The following TBC1D32 variants were observed in gnomAD, a reference collection of about 807,000 sequenced individuals.
TBC1D32 encodes the protein protein broad-minded.
A neutral mutation model predicts 170.3 loss-of-function variants in TBC1D32; 151 were observed. The ratio of observed to expected loss-of-function variants is 0.89; its 90% CI spans 0.78 to 1.01. TBC1D32 has a LOEUF of 1.01. Ranked by LOEUF, TBC1D32 falls within the 50% of genes least tolerant of loss-of-function variation. TBC1D32 has a pLI of 0.00. For synonymous variants in TBC1D32, 498 were observed against 488.0 expected, an observed-to-expected ratio of 1.02 and a Z score of -0.27; for missense variants, 1,464 against 1,457.1, an observed-to-expected ratio of 1.00 and a Z score of -0.08.
chr6:121,149,527 T>A (rs1415193017), intron 24 of TBC1D32, among the ~76,000 whole-genome samples: 1 of 152,206 alleles, frequency 6.6e-6, no homozygotes, highest in Non-Finnish European at 1.5e-5. Flanking sequence ...CTTTCCCCAT[T>A]TCTTGTTTTT....
chr6:121,333,439 A>G (rs1811455325), intron 1 of TBC1D32, among the ~76,000 whole-genome samples: 1 of 152,140 alleles, frequency 6.6e-6, no homozygotes, highest in Non-Finnish European at 1.5e-5. Flanking sequence ...TATATTTCTG[A>G]CATGTATCAC....
At chr6:121,088,064 C>T (rs980435624) in intron 31 of TBC1D32, among the ~76,000 whole-genome samples, 1 of 151,786 alleles carries the variant, frequency 6.6e-6, no homozygotes, top group African/African-American at 2.4e-5. Context: ...GATCCTCCCA[C>T]CTCAGCCTCC....
At chr6:121,233,783 C>T (rs910627542) in intron 20 of TBC1D32, among the ~76,000 whole-genome samples, 1 of 151,852 alleles carries the variant, frequency 6.6e-6, no homozygotes, top group African/African-American at 2.4e-5. Flanking sequence ...GTTTTTTTGT[C>T]ATTGTGTTTT....
intron 22 of TBC1D32, among the ~76,000 whole-genome samples, chr6:121,199,704 T>C (rs1791292807): frequency 6.6e-6 from 1 of 151,342 alleles, no homozygotes; most frequent in South Asian, 2.1e-4. Context: ...TGTTATATTC[T>C]AATTTCTGAT....
intron 24 of TBC1D32, among the ~76,000 whole-genome samples, chr6:121,137,745 T>C (rs1217798160): frequency 6.6e-6 from 1 of 151,844 alleles, no homozygotes; most frequent in Admixed American, 6.6e-5. Context: ...AGAGAGACTA[T>C]ACAGAAAGAA....
intron 17 of TBC1D32, among the ~76,000 whole-genome samples, chr6:121,252,048 A>G (rs561615399): frequency 5.9e-5 from 9 of 152,258 alleles, no homozygotes; most frequent in Non-Finnish European, 1.0e-4. Context: ...AGTTAGAATG[A>G]CAATCATTAA....
chr6:121,328,597 G>A (rs1563431467), intron 1 of TBC1D32, among the ~76,000 whole-genome samples: 1 of 151,868 alleles, frequency 6.6e-6, no homozygotes, highest in Non-Finnish European at 1.5e-5. Flanking sequence ...AGTTTTTTAA[G>A]ATATAGTCTG....
chr6:121,123,050 A>G (rs1253557389), intron 26 of TBC1D32, among the ~76,000 whole-genome samples: 4 of 152,104 alleles, frequency 2.6e-5, no homozygotes, highest in African/African-American at 9.6e-5. Flanking sequence ...CCTTTGAAAA[A>G]GAACCAGACT....
At chr6:121,132,990 T>C (rs1781606855) in intron 24 of TBC1D32, among the ~76,000 whole-genome samples, 1 of 151,980 alleles carries the variant, frequency 6.6e-6, no homozygotes, top group South Asian at 2.1e-4. Flanking sequence ...GCCAGATTAA[T>C]TCATACCTTT....
At chr6:121,198,306 T>C (rs1288742423) in intron 22 of TBC1D32, among the ~76,000 whole-genome samples, 3 of 146,244 alleles carry the variant, frequency 2.1e-5, no homozygotes, top group African/African-American at 7.7e-5. Context: ...ATATGTATCC[T>C]ATAAGTTTGG....
chr6:121,106,079 C>T lies in TBC1D32; in HGVS notation c.3409G>A (p.Ala1137Thr), dbSNP rs765542061. 2.5e-6 allele frequency: 4 copies of T among 1,608,724 alleles called. No homozygotes were observed. The highest frequency in any genetic ancestry group is 4.5e-5 in the East Asian group (2 of 44,828). The change falls in exon 30 of 32, where the codon GCT becomes ACT. Residue 1137 changes from alanine (A) to threonine (T), a missense_variant. Around this residue, in one of 3 missense-constraint regions of TBC1D32, gnomAD observed 1,363 missense variants for 1,338.1 expected, o/e 1.02. Coordinates refer to ENST00000398212, the MANE Select transcript of TBC1D32 (RefSeq NM_152730.6). ...GCTGAAAACACAAGAGGCAACTCAG[C>T]CTTCAGTAGCATTTCAATATAATGG... ...STHYIEMLLK[A>T]ELPLVFSAFH...
intron 30 of TBC1D32, among the ~76,000 whole-genome samples, chr6:121,099,385 T>C (rs1322244810): frequency 6.6e-6 from 1 of 151,974 alleles, no homozygotes; most frequent in Non-Finnish European, 1.5e-5. Context: ...CTATTTTCTT[T>C]CCAAACTTAG....
At chr6:121,136,814 CAT>C (rs958437545) in intron 24 of TBC1D32, among the ~76,000 whole-genome samples, 3 of 152,034 alleles carry the variant, frequency 2.0e-5, no homozygotes, top group Admixed American at 1.3e-4. Context: ...ATTATATACA[CAT>C]GTGTATGTAA....
At chr6:121,134,479 C>T (rs1285959230) in intron 24 of TBC1D32, among the ~76,000 whole-genome samples, 1 of 152,008 alleles carries the variant, frequency 6.6e-6, no homozygotes, top group Non-Finnish European at 1.5e-5. Context: ...CTGAATCTAC[C>T]AGTTGGTAGA....
chr6:121,142,333 G>T (rs576729239), intron 24 of TBC1D32, among the ~76,000 whole-genome samples: 1 of 152,202 alleles, frequency 6.6e-6, no homozygotes, highest in African/African-American at 2.4e-5. Flanking sequence ...GCGCCACTTC[G>T]GATGTTCTAT....
chr6:121,222,906 C>T (rs772081602), intron 21 of TBC1D32, among the ~76,000 whole-genome samples: 1 of 152,126 alleles, frequency 6.6e-6, no homozygotes, highest in Non-Finnish European at 1.5e-5. Context: ...ATTATCCTAG[C>T]CAATGAAGCA....
At chr6:121,283,981 C>T (rs1246393597) in intron 12 of TBC1D32, 71 bp from the exon 13 acceptor site, 9 of 1,127,048 alleles carry the variant, frequency 8.0e-6, no homozygotes, top group Admixed American at 2.0e-5. Flanking sequence ...TTTAACTGAG[C>T]TTTCATCCAT....
chr6:121,297,389 A>G (rs1805812028), intron 10 of TBC1D32, among the ~76,000 whole-genome samples: 4 of 152,148 alleles, frequency 2.6e-5, no homozygotes, highest in Admixed American at 1.3e-4. Flanking sequence ...CGAAAAACCA[A>G]GGGAGAATTT....
chr6:121,170,377 T>A lies in TBC1D32; in HGVS notation c.2571-9321A>T, dbSNP rs530495152. 4 of 1,565,156 alleles carry A rather than the reference T, an allele frequency of 2.6e-6. No individual in the cohort carries two copies. In the Admixed American group the frequency reaches 8.0e-5, roughly 31 times the overall value. On this transcript the variant is annotated intron_variant, in intron 22 of 31. Coordinates refer to ENST00000398212, the MANE Select transcript of TBC1D32 (RefSeq NM_152730.6). ...AAAACATCTCTAAAGAAAACTGCTG[T>A]TACTCTGTTTTAATCACCCATTTTT... is the stretch of plus-strand genomic sequence containing the variant.
Sources: allele counts gnomAD v4.1 joint callset (sites outside exome capture counted in the v4.1 genomes callset), GRCh38; gene constraint gnomAD v4.1.1; regional missense constraint gnomAD v4.1.1; transcripts MANE v1.5; gene names NCBI Gene and HGNC (gene_info 2026-07-23, HGNC 2026-07-21).